SHISA9: variants seen among roughly 807,000 people sequenced by gnomAD.
SHISA9 encodes the protein protein shisa-9.
In SHISA9, 13 loss-of-function variants were observed where a neutral mutation model predicts 38.0. That is an observed-to-expected ratio of 0.34 (90% confidence interval 0.22 to 0.54). The LOEUF is 0.54. SHISA9 is among the 20% of genes least tolerant of loss of function. The pLI, the probability that SHISA9 is intolerant of heterozygous loss-of-function variation, is 0.91. For missense variants in SHISA9, 538 were observed against 575.8 expected (o/e 0.93, Z 0.67); for synonymous variants, 275 against 242.0 (o/e 1.14, Z -1.27).
the SHISA9 span, among the ~76,000 whole-genome samples, chr16:13,509,991 A>G: frequency 6.6e-6 from 1 of 152,218 alleles, no homozygotes; most frequent in East Asian, 1.9e-4. Context: ...AGATTATGCC[A>G]GATCTTATTA....
intron 2 of SHISA9, among the ~76,000 whole-genome samples, chr16:13,018,996 ATTTTCTTTT>A (rs1418087716): frequency 1.3e-5 from 2 of 151,984 alleles, no homozygotes; most frequent in Non-Finnish European, 2.9e-5. Context: ...ACAGAAATGT[ATTTTCTTTT>A]TTTTCTTTTT....
chr16:13,306,992 G>A, the SHISA9 span, among the ~76,000 whole-genome samples: 1 of 152,170 alleles, frequency 6.6e-6, no homozygotes, highest in African/African-American at 2.4e-5. Context: ...ACTGCATGCA[G>A]AAGTTTTATT....
the SHISA9 span, among the ~76,000 whole-genome samples, chr16:13,516,787 G>A: frequency 2.8e-5 from 3 of 107,744 alleles, no homozygotes; most frequent in African/African-American, 1.1e-4. Context: ...AACAGAGCAA[G>A]ATTCCATCCC....
the SHISA9 span, among the ~76,000 whole-genome samples, chr16:13,481,934 T>A: frequency 1.1e-4 from 16 of 152,350 alleles, no homozygotes; most frequent in Admixed American, 3.3e-4. Context: ...GATTGAATAA[T>A]CAGGGCCAAT....
At chr16:13,026,129 C>G (rs1412750878) in intron 2 of SHISA9, among the ~76,000 whole-genome samples, 1 of 152,188 alleles carries the variant, frequency 6.6e-6, no homozygotes, top group Non-Finnish European at 1.5e-5. Context: ...GTGTATAATA[C>G]AGTATTGTTA....
In SHISA9 at chr16:12,964,635, A is replaced by G. The variant is rs552290487; in HGVS notation, c.691+47820A>G. Among the ~76,000 whole-genome samples, 272 of 152,278 alleles carry G rather than the reference A, an allele frequency of 1.8e-3. 2 individuals are homozygous for G. The highest frequency in any genetic ancestry group is 6.0e-3 in the African/African-American group (249 of 41,550). On this transcript the variant is annotated intron_variant, in intron 2 of 4. Coordinates refer to ENST00000558583, the MANE Select transcript of SHISA9 (RefSeq NM_001145204.3). The stretch of plus-strand genomic sequence containing the variant: ...GTCAAGGGTAATATTTTACAGACAC[A>G]CAATCTGGCCCGAGACAGAAAGAAT...
At chr16:13,119,934 G>A (rs1467695884) in intron 2 of SHISA9, among the ~76,000 whole-genome samples, 1 of 152,178 alleles carries the variant, frequency 6.6e-6, no homozygotes, top group Non-Finnish European at 1.5e-5. Flanking sequence ...TTTTTTAGAA[G>A]AGGAGTGGTG....
intron 4 of SHISA9, 121 bp from the exon 5 acceptor site, chr16:13,234,909 C>A: frequency 8.4e-7 from 1 of 1,195,242 alleles, no homozygotes; most frequent in Non-Finnish European, 1.1e-6. Flanking sequence ...CTTGTTTGGA[C>A]TGTTGGCCCA....
intron 2 of SHISA9, among the ~76,000 whole-genome samples, chr16:13,126,401 A>G (rs1234526804): frequency 6.6e-6 from 1 of 152,108 alleles, no homozygotes; most frequent in Non-Finnish European, 1.5e-5. Flanking sequence ...TGGGCAGTTA[A>G]TCAGTGCAGA....
At chr16:13,358,630 T>C in the SHISA9 span, among the ~76,000 whole-genome samples, 8 of 152,302 alleles carry the variant, frequency 5.3e-5, no homozygotes, top group East Asian at 1.5e-3. Context: ...CTTTTCAGAA[T>C]TTTCACCAAT....
At chr16:13,196,771 G>A (rs892474939) in intron 2 of SHISA9, among the ~76,000 whole-genome samples, 1 of 152,124 alleles carries the variant, frequency 6.6e-6, no homozygotes, top group African/African-American at 2.4e-5. Flanking sequence ...ATCTAAAACC[G>A]TTTCATAGTA....
At chr16:13,232,136 A>G (rs1342726915) in intron 4 of SHISA9, among the ~76,000 whole-genome samples, 1 of 152,214 alleles carries the variant, frequency 6.6e-6, no homozygotes, top group Non-Finnish European at 1.5e-5. Context: ...GGCATTCTTT[A>G]ACCTTTATGT....
At chr16:13,033,480 A>T (rs1596599744) in intron 2 of SHISA9, among the ~76,000 whole-genome samples, 1 of 152,174 alleles carries the variant, frequency 6.6e-6, no homozygotes, top group Non-Finnish European at 1.5e-5. Flanking sequence ...TCTAATCCAC[A>T]TGATCTTCAT....
the SHISA9 span, among the ~76,000 whole-genome samples, chr16:13,293,113 C>T: frequency 1.1e-4 from 17 of 152,254 alleles, no homozygotes; most frequent in Admixed American, 3.3e-4. Context: ...AAATAGCCTT[C>T]ACATATTACC....
At chr16:13,364,395 A>G in the SHISA9 span, among the ~76,000 whole-genome samples, 27 of 152,242 alleles carry the variant, frequency 1.8e-4, no homozygotes, top group Non-Finnish European at 3.5e-4. Flanking sequence ...GCAAATTTAG[A>G]ACAAGCAACA....
intron 1 of SHISA9, 44 bp from the exon 2 acceptor site, chr16:12,916,644 C>A: frequency 6.5e-7 from 1 of 1,536,802 alleles, no homozygotes; most frequent in South Asian, 1.2e-5. Context: ...AGCTGCCAGT[C>A]ATTGTGTTTT....
chr16:12,907,791 C>T (rs1484112515), intron 1 of SHISA9, among the ~76,000 whole-genome samples: 1 of 152,170 alleles, frequency 6.6e-6, no homozygotes, highest in African/African-American at 2.4e-5. Flanking sequence ...CATGAGAACT[C>T]AGTGGGTCTG....
At position 13,151,207 on chromosome 16, in the gene SHISA9, A is replaced by G. The variant is rs532356439; in HGVS notation, c.692-52187A>G. Among the ~76,000 whole-genome samples, 62 of 152,256 alleles carry G rather than the reference A, an allele frequency of 4.1e-4. 1 individual carries two copies. The highest frequency in any genetic ancestry group is 6.8e-3 in the Middle Eastern group (2 of 294). The stretch of plus-strand genomic sequence containing the variant: ...CTGCAACATTTGCCTCCCGGGTTCA[A>G]GCGATTCTCCTGCCTCAGCCTCCTG... On this transcript the variant is annotated intron_variant, in intron 2 of 4. Coordinates refer to ENST00000558583, the MANE Select transcript of SHISA9 (RefSeq NM_001145204.3).
At chr16:13,073,957 GTTTTTTTTTTTGT>G (rs754301056) in intron 2 of SHISA9, among the ~76,000 whole-genome samples, 2,931 of 103,878 alleles carry the variant, frequency 0.028, 49 homozygotes, top group Admixed American at 0.068. Flanking sequence ...TCTGCTGGTC[GTTTTTTTTTTTGT>G]TTTTTTTTTT....
Sources: gnomAD v4.1 joint callset for allele counts (sites outside exome capture counted in the v4.1 genomes callset) on GRCh38, gnomAD v4.1.1 for gene constraint, MANE v1.5 for transcripts, NCBI Gene and HGNC (gene_info 2026-07-23, HGNC 2026-07-21) for gene names.